The following BNC2 variants were observed in gnomAD, a reference collection of about 807,000 sequenced individuals.
BNC2 encodes basonuclin zinc finger protein 2, also known as zinc finger protein basonuclin-2.
A neutral mutation model predicts 76.3 loss-of-function variants in BNC2; 20 were observed. The observed-to-expected ratio is 0.26, with a 90% CI of 0.18 to 0.38. The LOEUF (loss-of-function observed/expected upper bound fraction) is 0.38, where lower values mean the gene tolerates loss of function less well. Among genes scored for constraint, BNC2 ranks in the 10% least tolerant of loss-of-function variants. The probability of loss-of-function intolerance (pLI) is 1.00; values close to 1 mark genes in which losing one functional copy is unlikely to be tolerated. For synonymous variants in BNC2, 582 were observed against 514.8 expected (o/e 1.13, Z -1.77); for missense variants, 1,382 against 1,399.8 (o/e 0.99, Z 0.20).
rs527421105 is a variant in BNC2 at position 16,613,352 on chromosome 9, C to T, written c.331-30267G>A. Among the ~76,000 whole-genome samples the T allele has an allele frequency of 2.6e-5, 4 of 152,258 alleles. No individual in the cohort carries two copies. The East Asian group carries it at 7.7e-4, about 29-fold the overall frequency. On this transcript the variant is annotated intron_variant, in intron 3 of 6. Coordinates refer to ENST00000380672, the MANE Select transcript of BNC2 (RefSeq NM_017637.6). ...TATGCAAAACTTCTAGGAAAAAAATCCATTTTGTGCTTGCAACCCAGAAAA... is the reference window on the plus strand; with the variant it reads ...TATGCAAAACTTCTAGGAAAAAAATTCATTTTGTGCTTGCAACCCAGAAAA...
chr9:16,512,174 A>G (rs1234473591), intron 5 of BNC2, among the ~76,000 whole-genome samples: 1 of 152,188 alleles, frequency 6.6e-6, no homozygotes, highest in Non-Finnish European at 1.5e-5. Flanking sequence ...CCTTGAAGTG[A>G]TGAGGAAATG....
intron 3 of BNC2, among the ~76,000 whole-genome samples, chr9:16,637,248 A>C (rs951001999): frequency 4.6e-5 from 7 of 152,174 alleles, no homozygotes; most frequent in African/African-American, 1.7e-4. Flanking sequence ...TAAGACTCTT[A>C]AAGTGCCTAA....
intron 1 of BNC2, among the ~76,000 whole-genome samples, chr9:16,769,360 C>T (rs906855104): frequency 1.3e-5 from 2 of 152,172 alleles, no homozygotes; most frequent in African/African-American, 4.8e-5. Context: ...ATCTCATTTA[C>T]TCCTCACAAC....
intron 3 of BNC2, among the ~76,000 whole-genome samples, chr9:16,671,138 C>T (rs1223239353): frequency 2.6e-5 from 4 of 152,134 alleles, no homozygotes; most frequent in Non-Finnish European, 5.9e-5. Flanking sequence ...CTCAGTAATT[C>T]ATCTTTGTGT....
intron 1 of BNC2, 86 bp downstream of exon 1, chr9:16,870,560 C>G (rs1819657777): frequency 6.6e-7 from 1 of 1,516,112 alleles, no homozygotes; most frequent in Non-Finnish European, 9.0e-7. Flanking sequence ...GACACGGCCC[C>G]CGGGCGGCCC....
intron 5 of BNC2, among the ~76,000 whole-genome samples, chr9:16,512,977 A>C (rs1822794809): frequency 6.6e-6 from 1 of 152,062 alleles, no homozygotes; most frequent in Non-Finnish European, 1.5e-5. Context: ...TCCACTAAAA[A>C]TAGAAAAATT....
At chr9:16,675,099 G>A (rs933670036) in intron 3 of BNC2, among the ~76,000 whole-genome samples, 14 of 152,134 alleles carry the variant, frequency 9.2e-5, no homozygotes, top group Non-Finnish European at 4.4e-5. Context: ...TATTTTCACA[G>A]GGAAACCTGC....
At chr9:16,711,016 G>A (rs150937076) in intron 3 of BNC2, among the ~76,000 whole-genome samples, 8 of 151,982 alleles carry the variant, frequency 5.3e-5, no homozygotes, top group African/African-American at 1.9e-4. Flanking sequence ...GCAGCTCTTG[G>A]CCATCACTGC....
In BNC2 at chr9:16,419,254, G is replaced by C; in HGVS notation, c.3035C>G (p.Pro1012Arg). 2.5e-6 allele frequency: 4 copies of C among 1,614,210 alleles called. No individual in the cohort carries two copies. Among genetic ancestry groups the C allele is most frequent in the African/African-American group, 1.3e-5 (1 of 75,068 alleles). Reference sequence around the variant, plus strand: ...TGAAACTTCAGCCCCTAGGCTGCCAGGGAGGGCAGGGGCCTCGGCCTTGTG... The same window carrying C: ...TGAAACTTCAGCCCCTAGGCTGCCACGGAGGGCAGGGGCCTCGGCCTTGTG... ...SAHKAEAPAL[P>R]GSLGAEVSGS... The change falls in exon 7 of 7, where the codon CCT becomes CGT. Residue 1012 changes from proline (P) to arginine (R), a missense_variant. Transcript: ENST00000380672.
rs531095573 is a variant in BNC2, at chr9:16,808,932, T to C, written c.3+61714A>G. Among the ~76,000 whole-genome samples the C allele has an allele frequency of 2.0e-5, 3 of 152,192 alleles. No individual in the cohort carries two copies. The East Asian group carries it at 5.8e-4, about 30-fold the overall frequency. On this transcript the variant is annotated intron_variant, in intron 1 of 6. Coordinates refer to ENST00000380672, the MANE Select transcript of BNC2 (RefSeq NM_017637.6). ...CCAAAAAACAGAGGTACTAATGTAC[T>C]TGGCTGTCCCCTAAAGAAGAGAGCT...
chr9:16,728,053 G>C, intron 2 of BNC2, 56 bp from the exon 3 acceptor site: 1 of 1,436,388 alleles, frequency 7.0e-7, no homozygotes, highest in South Asian at 1.1e-5. Context: ...CAGGAGTGTA[G>C]TGTAGTTAAG....
At chr9:16,541,182 G>C (rs1818309648) in intron 5 of BNC2, among the ~76,000 whole-genome samples, 1 of 152,200 alleles carries the variant, frequency 6.6e-6, no homozygotes, top group Non-Finnish European at 1.5e-5. Context: ...TTTCACCTAA[G>C]AGACCACAAT....
chr9:16,556,625 G>A (rs556367214), intron 4 of BNC2, among the ~76,000 whole-genome samples: 283 of 148,282 alleles, frequency 1.9e-3, no homozygotes, highest in African/African-American at 7.1e-3. Flanking sequence ...AAAATTAGCT[G>A]GGCATGATGG....
intron 1 of BNC2, among the ~76,000 whole-genome samples, chr9:16,819,914 CAGG>C (rs1256199765): frequency 6.6e-6 from 1 of 151,786 alleles, no homozygotes; most frequent in African/African-American, 2.4e-5. Context: ...CACTTCAGGT[CAGG>C]AGTTCAAGTC....
chr9:16,736,790 T>C (rs1429206253), intron 2 of BNC2, among the ~76,000 whole-genome samples: 1 of 150,136 alleles, frequency 6.7e-6, no homozygotes, highest in Non-Finnish European at 1.5e-5. Context: ...TTTTTTTTTC[T>C]TTCTGAGATG....
chr9:16,485,111 G>T (rs79089471), intron 5 of BNC2, among the ~76,000 whole-genome samples: 1 of 143,560 alleles, frequency 7.0e-6, no homozygotes, highest in Non-Finnish European at 1.6e-5. Context: ...GACACACACA[G>T]ACACACACAC....
At chr9:16,768,614 G>C (rs1423620177) in intron 1 of BNC2, among the ~76,000 whole-genome samples, 1 of 151,972 alleles carries the variant, frequency 6.6e-6, no homozygotes, top group Non-Finnish European at 1.5e-5. Context: ...AGAGAATGAG[G>C]GGGGTGGAAT....
intron 1 of BNC2, among the ~76,000 whole-genome samples, chr9:16,742,666 C>A (rs1244445726): frequency 1.3e-5 from 2 of 152,178 alleles, no homozygotes; most frequent in Non-Finnish European, 2.9e-5. Flanking sequence ...TGAGATTGAT[C>A]TTTGAGCTTC....
At chr9:16,713,619 T>TA (rs762261586) in intron 3 of BNC2, among the ~76,000 whole-genome samples, 11 of 152,122 alleles carry the variant, frequency 7.2e-5, no homozygotes, top group Non-Finnish European at 7.4e-5. Flanking sequence ...GTCATGCCTA[T>TA]ACAAAAGTAT....
Sources: gnomAD v4.1 joint callset for allele counts (sites outside exome capture counted in the v4.1 genomes callset) on GRCh38, gnomAD v4.1.1 for gene constraint, MANE v1.5 for transcripts, NCBI Gene and HGNC (gene_info 2026-07-23, HGNC 2026-07-21) for gene names.